GRIA1: variants seen among roughly 807,000 people sequenced by gnomAD.
The protein encoded by GRIA1 is glutamate receptor 1.
A neutral mutation model predicts 99.2 loss-of-function variants in GRIA1; 31 were observed. The observed-to-expected ratio is 0.31, with a 90% CI of 0.23 to 0.42. The LOEUF is 0.42. Among genes scored for constraint, GRIA1 ranks in the 10% least tolerant of loss-of-function variants. GRIA1 has a pLI of 1.00. For synonymous variants in GRIA1, 438 were observed against 432.4 expected, an observed-to-expected ratio of 1.01 and a Z score of -0.16; for missense variants, 782 against 1,157.5, an observed-to-expected ratio of 0.68 and a Z score of 4.71.
rs138257408 is a variant in GRIA1 at position 153,705,277 on chromosome 5, A to T, written c.1453-420A>T. On this transcript the variant is annotated intron_variant, in intron 10 of 15. Coordinates refer to ENST00000285900, the MANE Select transcript of GRIA1 (RefSeq NM_000827.4). ...CTGGCCAGGGTAGTGGGGTACATGGATTGACCGGGACCTGGGTCACCTGCT... is the reference window on the plus strand; with the variant it reads ...CTGGCCAGGGTAGTGGGGTACATGGTTTGACCGGGACCTGGGTCACCTGCT... 7.3e-4 allele frequency among the ~76,000 whole-genome samples: 111 copies of T among 152,282 alleles called. 1 individual carries two copies. The East Asian group carries it at 0.019, about 26-fold the overall frequency.
Position 153,594,486 on chromosome 5 carries a change from A to T in GRIA1, c.221-52442A>T, listed in dbSNP as rs75696076. 6.8e-4 allele frequency among the ~76,000 whole-genome samples: 102 copies of T among 149,504 alleles called. No individual in the cohort carries two copies. The East Asian group carries it at 0.018, about 26-fold the overall frequency. On this transcript the variant is annotated intron_variant, in intron 2 of 15. Coordinates refer to ENST00000285900, the MANE Select transcript of GRIA1 (RefSeq NM_000827.4). ...TCCTAGAGTTCTTTTTTGCTTTTTG[A>T]TTTTTCCTTCATTATAGCATTCTAT...
intron 2 of GRIA1, among the ~76,000 whole-genome samples, chr5:153,596,675 G>T (rs1222010629): frequency 6.6e-6 from 1 of 151,524 alleles, no homozygotes; most frequent in Non-Finnish European, 1.5e-5. Context: ...GAGAGATGGA[G>T]ACTCTAAAAA....
intron 2 of GRIA1, among the ~76,000 whole-genome samples, chr5:153,551,265 C>T (rs1760114816): frequency 6.6e-6 from 1 of 152,142 alleles, no homozygotes; most frequent in South Asian, 2.1e-4. Flanking sequence ...CGTGTGGCTT[C>T]TAGTCTCACT....
intron 2 of GRIA1, among the ~76,000 whole-genome samples, chr5:153,598,860 G>A (rs1302220973): frequency 6.6e-6 from 1 of 151,958 alleles, no homozygotes; most frequent in Non-Finnish European, 1.5e-5. Context: ...GTGGAGTGGG[G>A]CTATTTTGTT....
chr5:153,596,001 AT>A (rs1201646569), intron 2 of GRIA1, among the ~76,000 whole-genome samples: 2 of 147,566 alleles, frequency 1.4e-5, no homozygotes, highest in African/African-American at 4.9e-5. Flanking sequence ...CTATAACCTT[AT>A]TAGGGAAATA....
chr5:153,509,499 T>C (rs1755850102), intron 2 of GRIA1, among the ~76,000 whole-genome samples: 1 of 152,188 alleles, frequency 6.6e-6, no homozygotes, highest in Admixed American at 6.5e-5. Flanking sequence ...CCTTCTGTTC[T>C]TGAGAGGTTT....
At position 153,677,058 on chromosome 5, in the gene GRIA1, G is replaced by A. The variant is rs894096028; in HGVS notation, c.926G>A (p.Arg309Lys). 6.3e-6 allele frequency: 10 copies of A among 1,583,028 alleles called. No individual in the cohort carries two copies. In the African/African-American group the frequency reaches 1.2e-4, roughly 19 times the overall value. ...GCTGAGGCTTTCCAGAGCCTGCGGAGGCAGAGAATTGATATATCTCGCCGG... is the reference window on the plus strand; with the variant it reads ...GCTGAGGCTTTCCAGAGCCTGCGGAAGCAGAGAATTGATATATCTCGCCGG... ...VMAEAFQSLR[R>K]QRIDISRRGN... Residue 309 changes from arginine to lysine, a missense_variant, in exon 7 of 16, where the codon AGG (arginine) becomes AAG (lysine). Physicochemically the swap from Arg to Lys is conservative, Grantham distance 26. Coordinates refer to ENST00000285900, the MANE Select transcript of GRIA1 (RefSeq NM_000827.4).
chr5:153,517,402 A>G (rs1324907496), intron 2 of GRIA1, among the ~76,000 whole-genome samples: 1 of 152,138 alleles, frequency 6.6e-6, no homozygotes, highest in Non-Finnish European at 1.5e-5. Flanking sequence ...TTCCAGGGGT[A>G]GTAACCACTA....
chr5:153,744,422 C>CTT (rs1484953796), intron 11 of GRIA1, among the ~76,000 whole-genome samples: 3 of 152,198 alleles, frequency 2.0e-5, no homozygotes, highest in African/African-American at 7.2e-5. Context: ...TTCGATTCCA[C>CTT]TTTCCCAAAA....
intron 2 of GRIA1, among the ~76,000 whole-genome samples, chr5:153,531,205 TAGAA>T (rs749595009): frequency 3.3e-5 from 5 of 152,268 alleles, no homozygotes; most frequent in Non-Finnish European, 7.4e-5. Context: ...GTTCAAGTAA[TAGAA>T]AGGAAGCCCA....
At position 153,605,654 on chromosome 5, in the gene GRIA1, A is replaced by C. The variant is rs1486234114; in HGVS notation, c.221-41274A>C. ...AATTCTCTCAAACACTTGGGATTGT[A>C]AGTCATTTTAATTTTAGCCCTCCTG... On this transcript the variant is annotated intron_variant, in intron 2 of 15. Transcript: ENST00000285900. 2.0e-5 allele frequency among the ~76,000 whole-genome samples: 3 copies of C among 152,336 alleles called. No homozygotes were observed. In the East Asian group the frequency reaches 5.8e-4, roughly 29 times the overall value.
chr5:153,617,072 G>A (rs1335465832), intron 2 of GRIA1, among the ~76,000 whole-genome samples: 1 of 152,132 alleles, frequency 6.6e-6, no homozygotes, highest in Non-Finnish European at 1.5e-5. Flanking sequence ...CAGGCAGCAG[G>A]TCACTTCTGA....
intron 2 of GRIA1, among the ~76,000 whole-genome samples, chr5:153,592,885 G>A (rs1190552736): frequency 6.6e-6 from 1 of 152,180 alleles, no homozygotes; most frequent in Non-Finnish European, 1.5e-5. Flanking sequence ...ATCTTTGCAT[G>A]AAAGAGAGAG....
At chr5:153,722,692 T>C (rs745677638) in intron 11 of GRIA1, among the ~76,000 whole-genome samples, 3 of 152,230 alleles carry the variant, frequency 2.0e-5, no homozygotes, top group Non-Finnish European at 4.4e-5. Flanking sequence ...TATTACCTTA[T>C]CTTAACTACT....
At chr5:153,515,768 G>T (rs949068789) in intron 2 of GRIA1, among the ~76,000 whole-genome samples, 4 of 152,136 alleles carry the variant, frequency 2.6e-5, no homozygotes, top group Admixed American at 6.5e-5. Context: ...TTTTTAAAAA[G>T]GCTATTTTTC....
intron 11 of GRIA1, among the ~76,000 whole-genome samples, chr5:153,710,123 T>C (rs925392897): frequency 1.3e-5 from 2 of 152,078 alleles, no homozygotes; most frequent in Non-Finnish European, 2.9e-5. Context: ...AAGTTAAAAA[T>C]CACTTCAGCT....
At chr5:153,587,549 A>T (rs961419503) in intron 2 of GRIA1, among the ~76,000 whole-genome samples, 4 of 152,186 alleles carry the variant, frequency 2.6e-5, no homozygotes, top group Non-Finnish European at 4.4e-5. Flanking sequence ...GTCATCACTG[A>T]CAACTGCCTT....
intron 11 of GRIA1, among the ~76,000 whole-genome samples, chr5:153,713,785 G>A: frequency 6.6e-6 from 1 of 152,150 alleles, no homozygotes; most frequent in South Asian, 2.1e-4. Context: ...ATTACAATAG[G>A]AAAATTTTCA....
intron 13 of GRIA1, among the ~76,000 whole-genome samples, chr5:153,772,335 T>C (rs1043754036): frequency 1.3e-5 from 2 of 151,840 alleles, no homozygotes; most frequent in East Asian, 1.9e-4. Flanking sequence ...AAAAGAGTAG[T>C]TGAGGCAGAA....
Sources: allele counts gnomAD v4.1 joint callset (sites outside exome capture counted in the v4.1 genomes callset), GRCh38; gene constraint gnomAD v4.1.1; transcripts MANE v1.5; gene names NCBI Gene and HGNC (gene_info 2026-07-23, HGNC 2026-07-21).